Variants in YOD1 observed in about 807,000 individuals in gnomAD.
YOD1 encodes the protein YOD1 deubiquitinase.
A neutral mutation model predicts 23.7 loss-of-function variants in YOD1; 17 were observed. That is an observed-to-expected ratio of 0.72 (90% confidence interval 0.49 to 1.07). The LOEUF is 1.07. Ranked by LOEUF, YOD1 falls within the 50% of genes least tolerant of loss-of-function variation. The pLI is 0.00. For missense variants in YOD1, 413 were observed against 447.2 expected (o/e 0.92, Z 0.69); for synonymous variants, 191 against 169.6 (o/e 1.13, Z -0.98).
upstream of YOD1, chr1:207,052,263 T>G: frequency 6.2e-7 from 1 of 1,606,370 alleles, no homozygotes; most frequent in East Asian, 2.2e-5. Flanking sequence ...GACTCAATTT[T>G]TTTTTGCTGG....
chr1:207,052,222 T>C, upstream of YOD1: 1 of 1,612,724 alleles, frequency 6.2e-7, no homozygotes, highest in Non-Finnish European at 8.5e-7. Flanking sequence ...ATAAATTATA[T>C]GTAATGTTTC....
At chr1:207,049,990 G>C (rs1682697307) in intron 1 of YOD1, among the ~76,000 whole-genome samples, 1 of 152,180 alleles carries the variant, frequency 6.6e-6, no homozygotes, top group South Asian at 2.1e-4. Flanking sequence ...TACCTAAAAA[G>C]ATACATTTCA....
upstream of YOD1, chr1:207,052,738 T>G (rs1005867371): frequency 1.3e-5 from 2 of 157,010 alleles, no homozygotes; most frequent in African/African-American, 4.8e-5. Flanking sequence ...GGTTCAACGA[T>G]GAGAGTGGTT....
In YOD1 at chr1:207,049,142, G is replaced by A; in HGVS notation, c.925C>T (p.Gln309Ter). Residue 309 changes from glutamine (Q) to a stop codon, truncating the protein, a stop_gained, in exon 2 of 2, where the codon CAG becomes TAG. Coordinates refer to ENST00000315927, the MANE Select transcript of YOD1 (RefSeq NM_018566.4). LOFTEE classifies it high-confidence loss of function. ...ELADEARRRRQFTDVNRFTLR... is the reference protein window; with the variant it reads ...ELADEARRRR ...GTGAAGCGGTTGACATCAGTAAACT[G>A]TCTCCTTCTTCTAGCTTCATCTGCT... The A allele has an allele frequency of 6.2e-7, 1 of 1,614,022 alleles. No homozygotes were observed. The highest frequency in any genetic ancestry group is 8.5e-7 in the Non-Finnish European group (1 of 1,180,014).
In YOD1 at chr1:207,046,057, C is replaced by T. The variant is rs1036211741; in HGVS notation, c.*2963G>A. ...TGTTAAATTTTAGCTTCTGAAATCA[C>T]TTTATTCAGGAGTGAATCTTCATAG... On this transcript the variant is annotated 3_prime_UTR_variant, in exon 2 of 2. Transcript: ENST00000315927. 1 of 152,012 alleles carries T rather than the reference C, an allele frequency of 6.6e-6. No homozygotes were observed. Among genetic ancestry groups the T allele is most frequent in the African/African-American group, 2.4e-5 (1 of 41,416 alleles). The allele number at this position is 152,012 out of a possible 1,614,324, so 9.4% of individuals were successfully genotyped here.
At position 207,044,972 on chromosome 1, in the gene YOD1, TAAAC is replaced by T. The variant is rs1682560007; in HGVS notation, c.*4044_*4047del. On this transcript the variant is annotated 3_prime_UTR_variant, in exon 2 of 2. Coordinates refer to ENST00000315927, the MANE Select transcript of YOD1 (RefSeq NM_018566.4). ...AAATGCTAGATAATTTTGAGAAAAATAAACACTCTCCCACAACCAGGGACACTTA... is the reference window on the plus strand; with the variant it reads ...AAATGCTAGATAATTTTGAGAAAAATACTCTCCCACAACCAGGGACACTTA... The T allele has an allele frequency of 6.6e-6, 1 of 152,456 alleles. No individual in the cohort carries two copies. Among genetic ancestry groups the T allele is most frequent in the Admixed American group, 6.5e-5 (1 of 15,278 alleles). 9.4% of individuals were successfully genotyped at this position (152,456 alleles called of 1,614,324 possible).
Position 207,050,692 on chromosome 1 carries a change from T to C in YOD1, c.339A>G (p.Gln113=), listed in dbSNP as rs757983702. The change falls in exon 1 of 2, where the codon CAA becomes CAG. Residue 113 remains glutamine, a synonymous_variant. Coordinates refer to ENST00000315927, the MANE Select transcript of YOD1 (RefSeq NM_018566.4). The part of the protein sequence containing the change: ...GDTILEDLPI[Q]SGDMLIIEED... ...GCCCCAGCCCTGATTCCTTACCAGA[T>C]TGGATGGGCAAGTCTTCCAGAATGG... is the stretch of plus-strand genomic sequence containing the variant. 10 of 1,612,958 alleles carry C rather than the reference T, an allele frequency of 6.2e-6. No individual in the cohort carries two copies. Among genetic ancestry groups the C allele is most frequent in the Admixed American group, 3.3e-5 (2 of 59,990 alleles).
Position 207,049,188 on chromosome 1 carries a change from A to G in YOD1, c.879T>C (p.Val293=). 1.9e-6 allele frequency: 3 copies of G among 1,614,082 alleles called. No individual in the cohort carries two copies. The highest frequency in any genetic ancestry group is 2.5e-6 in the Non-Finnish European group (3 of 1,180,004). ...LTIFSSNDDI[V]LVQALELADE... is the part of the protein sequence containing the mutation. ...CTGCTAATTCCAGTGCTTGTACAAG[A>G]ACAATATCATCATTAGAGGAGAAAA... Residue 293 remains valine (V), a synonymous_variant, in exon 2 of 2, where the codon GTT becomes GTC. Coordinates refer to ENST00000315927, the MANE Select transcript of YOD1 (RefSeq NM_018566.4).
chr1:207,052,411 C>T, upstream of YOD1: 1 of 546,126 alleles, frequency 1.8e-6, no homozygotes. Context: ...CCTGTAATCC[C>T]AGCACTTTGG....
At position 207,049,055 on chromosome 1, in the gene YOD1, T is replaced by C; in HGVS notation, c.1012A>G (p.Lys338Glu). 1 of 1,613,970 alleles carries C rather than the reference T, an allele frequency of 6.2e-7. No homozygotes were observed. The highest frequency in any genetic ancestry group is 8.5e-7 in the Non-Finnish European group (1 of 1,179,948). Residue 338 changes from lysine to glutamate, a missense_variant, in exon 2 of 2, where the codon AAG becomes GAG. Physicochemically the swap from Lys to Glu is moderately conservative, Grantham distance 56. Coordinates refer to ENST00000315927, the MANE Select transcript of YOD1 (RefSeq NM_018566.4). ...CCAAAGTTGGTATGGCCTGTCTCCT[T>C]GGCATGTTCCCTTGCTTCTGCTTGT... ...TGQAEAREHA[K>E]ETGHTNFGEV
chr1:207,050,983 A>G lies in YOD1; in HGVS notation c.48T>C (p.Pro16=), dbSNP rs78043860. ...GTTGGGAGACGCCGCCGGGGAAACC[A>G]GGCGCCGGGTGGACTCCAAAATGGC... ...KGRHFGVHPA[P]GFPGGVSQQA... Residue 16 remains proline, a synonymous_variant, in exon 1 of 2, where the codon CCT becomes CCC. Transcript: ENST00000315927. The G allele has an allele frequency of 0.014, 21,856 of 1,535,960 alleles. 297 individuals are homozygous for G. The highest frequency in any genetic ancestry group is 0.074 in the East Asian group (3,042 of 40,872).
chr1:207,050,130 C>T (rs1486767205), intron 1 of YOD1, among the ~76,000 whole-genome samples: 1 of 152,208 alleles, frequency 6.6e-6, no homozygotes, highest in Non-Finnish European at 1.5e-5. Context: ...GATACAGCAA[C>T]TGAAAGCTTT....
rs544520269 is a variant in YOD1, at chr1:207,046,024, T to C, written c.*2996A>G. On this transcript the variant is annotated 3_prime_UTR_variant, in exon 2 of 2. Transcript: ENST00000315927. ...CACTTGGCTAACACATCACAAAATT[T>C]CCAGGTATGTTAAATTTTAGCTTCT... 1 of 152,000 alleles carries C rather than the reference T, an allele frequency of 6.6e-6. No individual in the cohort carries two copies. Among genetic ancestry groups the C allele is most frequent in the Non-Finnish European group, 1.5e-5 (1 of 67,914 alleles). The allele number at this position is 152,000 out of a possible 1,614,324, so 9.4% of individuals were successfully genotyped here. A position where few individuals can be genotyped will look rare whatever the true frequency, so the allele number is the denominator to read the frequency against.
At position 207,051,089 on chromosome 1, in the gene YOD1, G is replaced by A; in HGVS notation, c.-59C>T. On this transcript the variant is annotated 5_prime_UTR_variant, in exon 1 of 2. Transcript: ENST00000315927. ...ACGCTTCGGTGCGGCTTCTGCCTTA[G>A]TACCTTAGCAAGCGCGAACTCTTTT... 1.4e-6 allele frequency: 2 copies of A among 1,443,012 alleles called. No homozygotes were observed. Among genetic ancestry groups the A allele is most frequent in the South Asian group, 2.9e-5 (2 of 69,694 alleles). 89.4% of individuals were successfully genotyped at this position (1,443,012 alleles called of 1,614,324 possible). A position where few individuals can be genotyped will look rare whatever the true frequency, so the allele number is the denominator to read the frequency against.
rs1682575455 is a variant in YOD1 at position 207,045,412 on chromosome 1, T to C, written c.*3608A>G. ...ATACACTCTACACTGATGGCAATCT[T>C]TGATTAAGAAGAGCTGATGGTTAGT... On this transcript the variant is annotated 3_prime_UTR_variant, in exon 2 of 2. Coordinates refer to ENST00000315927, the MANE Select transcript of YOD1 (RefSeq NM_018566.4). The C allele has an allele frequency of 6.6e-6, 1 of 152,544 alleles. No homozygotes were observed. The highest frequency in any genetic ancestry group is 6.5e-5 in the Admixed American group (1 of 15,280). The allele number at this position is 152,544 out of a possible 1,614,324, so 9.4% of individuals were successfully genotyped here.
rs1186633743 is a variant in YOD1 at position 207,045,212 on chromosome 1, A to G, written c.*3808T>C. 4.6e-5 allele frequency: 7 copies of G among 152,438 alleles called. No individual in the cohort carries two copies. Among genetic ancestry groups the G allele is most frequent in the African/African-American group, 1.7e-4 (7 of 41,438 alleles). 9.4% of individuals were successfully genotyped at this position (152,438 alleles called of 1,614,324 possible). ...GTTTTAAGGATCGAATCTTTTAGAA[A>G]TTATCAGTCATCTCTGCACTACAAG... On this transcript the variant is annotated 3_prime_UTR_variant, in exon 2 of 2. Transcript: ENST00000315927.
At position 207,049,579 on chromosome 1, in the gene YOD1, G is replaced by A; in HGVS notation, c.488C>T (p.Thr163Ile). 6.2e-7 allele frequency: 1 copy of A among 1,614,188 alleles called. No homozygotes were observed. Residue 163 changes from threonine to isoleucine, a missense_variant, in exon 2 of 2, where the codon ACT becomes ATT. Physicochemically the swap from Thr to Ile is moderately conservative, Grantham distance 89. Transcript: ENST00000315927. ...VVPADNSCLF[T>I]SVYYVVEGGV... ...TCCTTCGACGACATAGTACACACTA[G>A]TAAAGAGGCAAGAGTTGTCTGCTGG...
chr1:207,052,702 G>T (rs1682787707), upstream of YOD1, among the ~76,000 whole-genome samples: 1 of 151,238 alleles, frequency 6.6e-6, no homozygotes, highest in Admixed American at 6.6e-5. Flanking sequence ...CCAATGGGGT[G>T]TATGGGTGGG....
rs1455550335 is a variant in YOD1 at position 207,046,788 on chromosome 1, T to C, written c.*2232A>G. On this transcript the variant is annotated 3_prime_UTR_variant, in exon 2 of 2. Transcript: ENST00000315927. ...AAATTTACCCACTGTAGAAAATATA[T>C]ACTGAATATAAAGTGACAGAAACTT... 1 of 152,100 alleles carries C rather than the reference T, an allele frequency of 6.6e-6. No homozygotes were observed. The highest frequency in any genetic ancestry group is 2.1e-4 in the South Asian group (1 of 4,832). 9.4% of individuals were successfully genotyped at this position (152,100 alleles called of 1,614,324 possible).
Sources: gnomAD v4.1 joint callset for allele counts (sites outside exome capture counted in the v4.1 genomes callset) on GRCh38, gnomAD v4.1.1 for gene constraint, MANE v1.5 for transcripts, NCBI Gene and HGNC (gene_info 2026-07-23, HGNC 2026-07-21) for gene names.